GDPD1: variants seen among roughly 807,000 people sequenced by gnomAD.
The protein encoded by GDPD1 is lysophospholipase D GDPD1.
A neutral mutation model predicts 45.1 loss-of-function variants in GDPD1; 28 were observed. The ratio of observed to expected loss-of-function variants is 0.62; its 90% confidence interval spans 0.46 to 0.85. The LOEUF is 0.85. Ranked by LOEUF, GDPD1 falls within the 40% of genes least tolerant of loss-of-function variation. The pLI is 0.00. For synonymous variants in GDPD1, 139 were observed against 131.4 expected, an observed-to-expected ratio of 1.06 and a Z score of -0.40; for missense variants, 256 against 364.8, an observed-to-expected ratio of 0.70 and a Z score of 2.43.
chr17:59,259,566 CAAA>C (rs71367681), intron 6 of GDPD1, among the ~76,000 whole-genome samples: 1 of 24,850 alleles, frequency 4.0e-5, no homozygotes, highest in Middle Eastern at 0.056. Flanking sequence ...GACTCTGTCT[CAAA>C]AAAAAAAAAA....
chr17:59,275,700 T>G lies in GDPD1; in HGVS notation c.*1927T>G, dbSNP rs1254750408. The G allele has an allele frequency of 6.5e-6, 1 of 152,892 alleles. No homozygotes were observed. Among genetic ancestry groups the G allele is most frequent in the African/African-American group, 2.4e-5 (1 of 41,470 alleles). 9.5% of individuals were successfully genotyped at this position (152,892 alleles called of 1,614,324 possible). On this transcript the variant is annotated 3_prime_UTR_variant, in exon 10 of 10. Transcript: ENST00000284116. ...CTGAGTATTAAGTAGAAACAGAATTTTCCAAAGCATTAGACATCACTTTCT... is the reference window on the plus strand; with the variant it reads ...CTGAGTATTAAGTAGAAACAGAATTGTCCAAAGCATTAGACATCACTTTCT...
chr17:59,271,717 A>C (rs1274210553), intron 8 of GDPD1, among the ~76,000 whole-genome samples: 1 of 149,510 alleles, frequency 6.7e-6, no homozygotes, highest in East Asian at 2.0e-4. Context: ...ATCTCGGCTC[A>C]CCGCTTCCTG....
At position 59,273,998 on chromosome 17, in the gene GDPD1, G is replaced by T. The variant is rs1353921215; in HGVS notation, c.*225G>T. 2 of 734,644 alleles carry T rather than the reference G, an allele frequency of 2.7e-6. No homozygotes were observed. The highest frequency in any genetic ancestry group is 3.3e-6 in the Non-Finnish European group (2 of 598,948). 45.5% of individuals were successfully genotyped at this position (734,644 alleles called of 1,614,324 possible). ...TGTAAATTGTTTAGAAAGATAATTG[G>T]TTATGAGATGTAAGTTTTAATTTCT... On this transcript the variant is annotated 3_prime_UTR_variant, in exon 10 of 10. Transcript: ENST00000284116.
At chr17:59,255,835 A>ATATATATATATACACG (rs2047301162) in intron 4 of GDPD1, among the ~76,000 whole-genome samples, 3 of 84,690 alleles carry the variant, frequency 3.5e-5, no homozygotes, top group African/African-American at 2.4e-4. Flanking sequence ...ATACGCGTAT[A>ATATATATATATACACG]TATATATATA....
chr17:59,248,206 T>C (rs1050688232), intron 3 of GDPD1, among the ~76,000 whole-genome samples: 1 of 151,786 alleles, frequency 6.6e-6, no homozygotes, highest in Non-Finnish European at 1.5e-5. Flanking sequence ...TGGATCCTTC[T>C]GAGGATCCAC....
chr17:59,220,563 G>A lies in GDPD1; in HGVS notation c.-47G>A. On this transcript the variant is annotated 5_prime_UTR_variant, in exon 1 of 10. Coordinates refer to ENST00000284116, the MANE Select transcript of GDPD1 (RefSeq NM_182569.4). ...CGCCGTCGTTGCTACTGCCGCAGCG[G>A]AGTTCAGAGGGCCCGGAGGTGGGAG... is the stretch of plus-strand genomic sequence containing the variant. 3.1e-6 allele frequency: 5 copies of A among 1,590,728 alleles called. No individual in the cohort carries two copies. In the South Asian group the frequency reaches 4.5e-5, roughly 14 times the overall value.
chr17:59,255,815 G>GTA (rs370143587), intron 4 of GDPD1, among the ~76,000 whole-genome samples: 5,910 of 48,996 alleles, frequency 0.12, 482 homozygotes, highest in South Asian at 0.24. Context: ...ATATATACGC[G>GTA]TATATATATA....
In GDPD1 at chr17:59,257,733, T is replaced by C. The variant is rs757792388; in HGVS notation, c.487-18T>C. The C allele has an allele frequency of 3.2e-6, 5 of 1,572,292 alleles. No individual in the cohort carries two copies. Among genetic ancestry groups the C allele is most frequent in the African/African-American group, 1.4e-5 (1 of 73,576 alleles). On this transcript the variant is annotated intron_variant, in intron 5 of 9. Coordinates refer to ENST00000284116, the MANE Select transcript of GDPD1 (RefSeq NM_182569.4). The stretch of plus-strand genomic sequence containing the variant: ...TGCAAATAGGCACATGCATAAAATT[T>C]TGAATTTTCACACGTAGGTTTCAGA...
chr17:59,246,582 G>A (rs564914639), intron 3 of GDPD1, among the ~76,000 whole-genome samples: 38 of 150,660 alleles, frequency 2.5e-4, no homozygotes, highest in East Asian at 8.0e-4. Context: ...GTTGGCATGC[G>A]CCTGTAATCC....
intron 6 of GDPD1, among the ~76,000 whole-genome samples, chr17:59,263,515 G>C (rs946988524): frequency 2.7e-5 from 2 of 74,530 alleles, no homozygotes; most frequent in African/African-American, 1.1e-4. Context: ...TTTCACTCTG[G>C]TTGCCCAGGC....
At chr17:59,236,422 A>T (rs8081409) in intron 2 of GDPD1, among the ~76,000 whole-genome samples, 152,170 of 152,246 alleles carry the variant, frequency 1, 76,047 homozygotes, top group Middle Eastern at 1. Context: ...CTTAAAAAAA[A>T]TTTTTTGGAG....
intron 3 of GDPD1, among the ~76,000 whole-genome samples, chr17:59,245,756 G>A (rs920986616): frequency 6.6e-6 from 1 of 152,024 alleles, no homozygotes; most frequent in African/African-American, 2.4e-5. Flanking sequence ...AGGCTGAGAT[G>A]GGAGGATTGT....
intron 9 of GDPD1, chr17:59,273,074 T>TG: frequency 1.9e-6 from 1 of 518,470 alleles, no homozygotes; most frequent in Non-Finnish European, 3.1e-6. Context: ...TGGGACAGTG[T>TG]TTGTGTGTGT....
chr17:59,234,652 T>C (rs1380237714), intron 2 of GDPD1, 118 bp downstream of exon 2: 1 of 671,524 alleles, frequency 1.5e-6, no homozygotes, highest in Non-Finnish European at 2.6e-6. Flanking sequence ...TTTGTGATAG[T>C]TGTTTCTATT....
chr17:59,227,608 C>T lies in GDPD1; in HGVS notation c.142+6857C>T, dbSNP rs117833070. Among the ~76,000 whole-genome samples the T allele has an allele frequency of 6.4e-3, 965 of 151,824 alleles. 10 individuals are homozygous for T. Among genetic ancestry groups the T allele is most frequent in the Non-Finnish European group, 8.9e-3 (603 of 67,950 alleles). ...CATTTACCAAGTACCTATTCTTTACCAGTTACTATGATAATGGCAATAGTA... is the reference window on the plus strand; with the variant it reads ...CATTTACCAAGTACCTATTCTTTACTAGTTACTATGATAATGGCAATAGTA... On this transcript the variant is annotated intron_variant, in intron 1 of 9. Coordinates refer to ENST00000284116, the MANE Select transcript of GDPD1 (RefSeq NM_182569.4).
At chr17:59,271,897 A>G (rs1885118113) in intron 8 of GDPD1, among the ~76,000 whole-genome samples, 1 of 152,122 alleles carries the variant, frequency 6.6e-6, no homozygotes, top group Admixed American at 6.6e-5. Context: ...AGCCTCCCAA[A>G]GTGCTGGGAT....
At chr17:59,271,177 G>C (rs1013710736) in intron 8 of GDPD1, among the ~76,000 whole-genome samples, 182 bp downstream of exon 8, 2 of 152,136 alleles carry the variant, frequency 1.3e-5, no homozygotes, top group African/African-American at 4.8e-5. Flanking sequence ...CAAAATCTTA[G>C]GAAGAATCTT....
intron 4 of GDPD1, among the ~76,000 whole-genome samples, chr17:59,252,480 C>G (rs370900790): frequency 4.0e-5 from 6 of 151,860 alleles, no homozygotes; most frequent in African/African-American, 1.4e-4. Context: ...CTCAGGTGAT[C>G]CACCCACATC....
intron 6 of GDPD1, among the ~76,000 whole-genome samples, chr17:59,259,609 C>G (rs1457891699): frequency 3.5e-5 from 5 of 143,646 alleles, no homozygotes; most frequent in Non-Finnish European, 7.5e-5. Flanking sequence ...AATAGCCAGG[C>G]GTGGTGGCGT....
Sources: allele counts gnomAD v4.1 joint callset (sites outside exome capture counted in the v4.1 genomes callset), GRCh38; gene constraint gnomAD v4.1.1; transcripts MANE v1.5; gene names NCBI Gene and HGNC (gene_info 2026-07-23, HGNC 2026-07-21).